Variants in NOS1 observed in about 807,000 individuals in gnomAD.
The protein encoded by NOS1 is nitric oxide synthase 1.
Under a neutral mutation model 164.5 loss-of-function variants are expected in NOS1, and 51 were observed. The observed-to-expected ratio is 0.31, with a 90% CI of 0.25 to 0.39. The LOEUF is 0.39. Ranked by LOEUF, NOS1 falls within the 10% of genes least tolerant of loss-of-function variation. The pLI is 1.00. For synonymous variants in NOS1, 719 were observed against 745.8 expected (o/e 0.96, Z 0.59); for missense variants, 1,362 against 1,885.6 (o/e 0.72, Z 5.14).
chr12:117,342,700 T>G (rs1427823995), intron 1 of NOS1, among the ~76,000 whole-genome samples: 1 of 152,102 alleles, frequency 6.6e-6, no homozygotes, highest in Non-Finnish European at 1.5e-5. Context: ...AGACAAGAAG[T>G]ACAGTGGTCA....
At chr12:117,307,556 G>A (rs573115359) in intron 3 of NOS1, among the ~76,000 whole-genome samples, 44 of 152,046 alleles carry the variant, frequency 2.9e-4, no homozygotes, top group African/African-American at 4.8e-4. Flanking sequence ...TTGTAGAGAC[G>A]GGGTTTTGCT....
chr12:117,216,973 A>G (rs1956621408), intron 28 of NOS1, among the ~76,000 whole-genome samples: 1 of 152,108 alleles, frequency 6.6e-6, no homozygotes, highest in Non-Finnish European at 1.5e-5. Context: ...ATTTAAAGTA[A>G]AGGGCGTCCA....
intron 11 of NOS1, 62 bp from the exon 12 acceptor site, chr12:117,265,572 C>A: frequency 7.7e-7 from 1 of 1,291,152 alleles, no homozygotes; most frequent in South Asian, 1.9e-5. Flanking sequence ...TTGGGACTCC[C>A]TGCCCCAAAG....
chr12:117,329,759 C>A (rs563617256), intron 2 of NOS1, among the ~76,000 whole-genome samples: 2 of 152,152 alleles, frequency 1.3e-5, no homozygotes, highest in African/African-American at 2.4e-5. Flanking sequence ...AGCAAGACTG[C>A]GGTTTTTAGG....
At chr12:117,244,924 G>A (rs948696210) in intron 18 of NOS1, among the ~76,000 whole-genome samples, 1 of 152,194 alleles carries the variant, frequency 6.6e-6, no homozygotes, top group African/African-American at 2.4e-5. Flanking sequence ...GAGGTTGACA[G>A]CTAAAGGGTA....
At chr12:117,298,838 A>C (rs960637430) in intron 3 of NOS1, among the ~76,000 whole-genome samples, 1 of 152,196 alleles carries the variant, frequency 6.6e-6, no homozygotes, top group Non-Finnish European at 1.5e-5. Context: ...TGTTTAAGCC[A>C]CCAGTTGGTG....
chr12:117,227,424 C>G lies in NOS1; in HGVS notation c.3616+7G>C, dbSNP rs756229835. On this transcript the variant is annotated splice_region_variant and intron_variant, in intron 23 of 28. Coordinates refer to ENST00000317775, the MANE Select transcript of NOS1 (RefSeq NM_000620.5). ...GCTGAGGAGGCTCTCCCAGTGCCTC[C>G]GCCCACCTCGAGTGCGGTAGGAAAC... 8 of 1,613,352 alleles carry G rather than the reference C, an allele frequency of 5.0e-6. No individual in the cohort carries two copies. Among genetic ancestry groups the G allele is most frequent in the Non-Finnish European group, 6.8e-6 (8 of 1,179,742 alleles).
chr12:117,243,060 T>C lies in NOS1; in HGVS notation c.2962+237A>G, dbSNP rs1403509111. Among the ~76,000 whole-genome samples, 1 of 152,048 alleles carries C rather than the reference T, an allele frequency of 6.6e-6. No homozygotes were observed. The highest frequency in any genetic ancestry group is 1.5e-5 in the Non-Finnish European group (1 of 68,022). On this transcript the variant is annotated intron_variant, in intron 19 of 28. Transcript: ENST00000317775. This position sits in a 1 kb window ranked among gnomAD's most constrained non-coding sequence, Gnocchi z 4.3. ...AAAAAGAAAATATAGTTGAGTTAAGTTGAGAAGAGGATGGTTTGGAAGAAC... is the reference window on the plus strand; with the variant it reads ...AAAAAGAAAATATAGTTGAGTTAAGCTGAGAAGAGGATGGTTTGGAAGAAC...
At chr12:117,273,554 T>C (rs1390115444) in intron 9 of NOS1, among the ~76,000 whole-genome samples, 2 of 152,168 alleles carry the variant, frequency 1.3e-5, no homozygotes, top group Non-Finnish European at 2.9e-5. Flanking sequence ...TTCCCCCTCT[T>C]AAGTTTACTT....
chr12:117,333,090 G>A (rs564617320), intron 1 of NOS1, among the ~76,000 whole-genome samples: 110 of 152,318 alleles, frequency 7.2e-4, no homozygotes, highest in African/African-American at 2.6e-3. Context: ...CATGCACAGT[G>A]TGGCACATCT....
chr12:117,335,502 A>G (rs1875762780), intron 1 of NOS1, among the ~76,000 whole-genome samples: 1 of 152,124 alleles, frequency 6.6e-6, no homozygotes, highest in Admixed American at 6.5e-5. Context: ...GTAGCTGACT[A>G]TCGGGGATGG....
intron 20 of NOS1, among the ~76,000 whole-genome samples, chr12:117,238,020 G>A (rs1869868842): frequency 6.6e-6 from 1 of 152,156 alleles, no homozygotes; most frequent in South Asian, 2.1e-4. Context: ...CAGGGATGGG[G>A]AAGAGCACGT....
rs2135912001 is a variant in NOS1 at position 117,213,384 on chromosome 12, T to C, written c.*1925A>G. 2.0e-6 allele frequency: 2 copies of C among 985,408 alleles called. No homozygotes were observed. The highest frequency in any genetic ancestry group is 9.4e-5 in the South Asian group (2 of 21,282). 61.0% of individuals were successfully genotyped at this position (985,408 alleles called of 1,614,324 possible). Reference sequence around the variant, plus strand: ...AGGGGTGAGTGTGGGATGCTAAGTGTTTGTTCTTTATATCTGTGGAAGAGT... The same window carrying C: ...AGGGGTGAGTGTGGGATGCTAAGTGCTTGTTCTTTATATCTGTGGAAGAGT... On this transcript the variant is annotated 3_prime_UTR_variant, in exon 29 of 29. Transcript: ENST00000317775.
intron 18 of NOS1, among the ~76,000 whole-genome samples, chr12:117,245,170 C>T (rs1870524258): frequency 6.6e-6 from 1 of 152,150 alleles, no homozygotes; most frequent in Non-Finnish European, 1.5e-5. Context: ...GGATGAAAAG[C>T]GCCAACTGAA....
chr12:117,281,672 A>G (rs1873679840), intron 7 of NOS1, among the ~76,000 whole-genome samples: 1 of 151,554 alleles, frequency 6.6e-6, no homozygotes, highest in Non-Finnish European at 1.5e-5. Flanking sequence ...TGTCTCTACT[A>G]AAAATACAAA....
At chr12:117,252,670 T>G (rs570865755) in intron 17 of NOS1, among the ~76,000 whole-genome samples, 1 of 152,174 alleles carries the variant, frequency 6.6e-6, no homozygotes, top group Admixed American at 6.5e-5. Context: ...CAGGAGGATG[T>G]GGGAACTCTC....
intron 1 of NOS1, among the ~76,000 whole-genome samples, chr12:117,359,717 G>A (rs1315566134): frequency 6.6e-6 from 1 of 151,378 alleles, no homozygotes; most frequent in Non-Finnish European, 1.5e-5. Context: ...AATCCCATGC[G>A]TCTTTCCCAG....
rs540240235 is a variant in NOS1 at position 117,357,115 on chromosome 12, GA to G, written c.-421+4396del. Among the ~76,000 whole-genome samples the G allele has an allele frequency of 1.6e-4, 25 of 152,352 alleles. No individual in the cohort carries two copies. In the South Asian group the frequency reaches 3.5e-3, roughly 21 times the overall value. ...AGGCAGGCAGATGGCTTGAGCCCAG[GA>G]GTTTGAGTCTGGCCTGGGCAGCATG... On this transcript the variant is annotated intron_variant, in intron 1 of 28. Coordinates refer to ENST00000317775, the MANE Select transcript of NOS1 (RefSeq NM_000620.5).
intron 1 of NOS1, among the ~76,000 whole-genome samples, chr12:117,358,987 T>G (rs1428276847): frequency 6.6e-6 from 1 of 152,216 alleles, no homozygotes; most frequent in Admixed American, 6.5e-5. Context: ...GTAGTGCCAC[T>G]TACCAGCTAG....
Sources: gnomAD v4.1 joint callset for allele counts (sites outside exome capture counted in the v4.1 genomes callset) on GRCh38, gnomAD v4.1.1 for gene constraint, Gnocchi (gnomAD v3.1) non-coding constraint, MANE v1.5 for transcripts, NCBI Gene and HGNC (gene_info 2026-07-23, HGNC 2026-07-21) for gene names.